Variants in BPGM observed in about 807,000 individuals in gnomAD.
BPGM encodes the protein 2,3-bisphosphoglycerate mutase, erythrocyte.
Under a neutral mutation model 21.6 loss-of-function variants are expected in BPGM, and 15 were observed. That is an observed-to-expected ratio of 0.70 (90% CI 0.47 to 1.07). The LOEUF is 1.07. BPGM is among the 50% of genes least tolerant of loss of function. BPGM has a pLI of 0.00. For missense variants in BPGM, 273 were observed against 319.0 expected (o/e 0.86, Z 1.10); for synonymous variants, 113 against 116.2 (o/e 0.97, Z 0.18).
intron 2 of BPGM, among the ~76,000 whole-genome samples, chr7:134,667,414 A>G (rs1295173388): frequency 6.6e-6 from 1 of 152,202 alleles, no homozygotes; most frequent in African/African-American, 2.4e-5. Flanking sequence ...TTACCTCACT[A>G]TAAAAATATT....
rs73441994 is a variant in BPGM, at chr7:134,679,118, G to T, written c.*87G>T. On this transcript the variant is annotated 3_prime_UTR_variant, in exon 3 of 3. Transcript: ENST00000344924. ...TGCTGAACTCTCTCTCTTTTTCCCC[G>T]ATTTTCCAGAGCTAGGCTGTGGAGT... The T allele has an allele frequency of 4.8e-6, 7 of 1,454,984 alleles. No homozygotes were observed. Among genetic ancestry groups the T allele is most frequent in the Admixed American group, 1.9e-5 (1 of 53,436 alleles). The allele number at this position is 1,454,984 out of a possible 1,614,324, so 90.1% of individuals were successfully genotyped here.
chr7:134,670,457 C>T (rs1795886366), intron 2 of BPGM, among the ~76,000 whole-genome samples: 1 of 151,992 alleles, frequency 6.6e-6, no homozygotes, highest in African/African-American at 2.4e-5. Flanking sequence ...TTTATAGAAC[C>T]CTTTATTTTT....
intron 2 of BPGM, among the ~76,000 whole-genome samples, chr7:134,671,520 C>A (rs917661108): frequency 1.3e-5 from 2 of 151,980 alleles, no homozygotes; most frequent in Non-Finnish European, 2.9e-5. Flanking sequence ...CGCCACCACG[C>A]CCGGCTAATT....
At chr7:134,649,939 G>A (rs1308708160) in intron 1 of BPGM, among the ~76,000 whole-genome samples, 1 of 152,208 alleles carries the variant, frequency 6.6e-6, no homozygotes, top group Non-Finnish European at 1.5e-5. Flanking sequence ...TTATGAGTTA[G>A]TCAAAGTCTG....
At chr7:134,659,371 CCGTG>C (rs1282724203) in intron 1 of BPGM, among the ~76,000 whole-genome samples, 2 of 125,522 alleles carry the variant, frequency 1.6e-5, no homozygotes, top group Non-Finnish European at 3.3e-5. Context: ...ACACACCCCT[CCGTG>C]TGTGTGTGTG....
rs1483612911 is a variant in BPGM at position 134,661,571 on chromosome 7, T to G, written c.64T>G (p.Phe22Val). Residue 22 changes from phenylalanine to valine, a missense_variant, in exon 2 of 3, where the codon TTT becomes GTT. Coordinates refer to ENST00000344924, the MANE Select transcript of BPGM (RefSeq NM_001724.5). The surrounding 1 kb of genome is among the most constrained non-coding windows in gnomAD (Gnocchi z 4.6). ...GGGTGCTTGGAATAAGGAGAACCGT[T>G]TTTGTAGCTGGGTGGATCAGAAACT... ...GEGAWNKENR[F>V]CSWVDQKLNS... is the part of the protein sequence containing the mutation. 6.2e-7 allele frequency: 1 copy of G among 1,614,050 alleles called. No homozygotes were observed. Among genetic ancestry groups the G allele is most frequent in the Non-Finnish European group, 8.5e-7 (1 of 1,180,024 alleles).
rs1796025523 is a variant in BPGM, at chr7:134,679,077, A to G, written c.*46A>G. The G allele has an allele frequency of 5.0e-6, 8 of 1,598,060 alleles. No homozygotes were observed. The highest frequency in any genetic ancestry group is 6.9e-6 in the Non-Finnish European group (8 of 1,167,048). ...AGAAGAAATGCAAAAGAAGTGGCAT[A>G]GGAGTGTGTTATGGGTGCTGAACTC... On this transcript the variant is annotated 3_prime_UTR_variant, in exon 3 of 3. Transcript: ENST00000344924.
intron 1 of BPGM, among the ~76,000 whole-genome samples, chr7:134,654,470 A>G (rs1795606317): frequency 6.6e-6 from 1 of 152,308 alleles, no homozygotes; most frequent in Middle Eastern, 3.4e-3. Context: ...TAGGCAAGTT[A>G]ACCTTTCCTC....
Position 134,671,363 on chromosome 7 carries a change from C to CTTT in BPGM, c.602-7476_602-7474dup, listed in dbSNP as rs563524361. ...AGGATTTTTAAATTAACATTTTGTT[C>CTTT]TTTTTTTTTTTTTTTTGAGATGGAG... On this transcript the variant is annotated intron_variant, in intron 2 of 2. Coordinates refer to ENST00000344924, the MANE Select transcript of BPGM (RefSeq NM_001724.5). Among the ~76,000 whole-genome samples, 54 of 133,936 alleles carry CTTT rather than the reference C, an allele frequency of 4.0e-4. No homozygotes were observed. The Middle Eastern group carries it at 0.011, about 28-fold the overall frequency. 87.9% of individuals were successfully genotyped at this position (133,936 alleles called of 152,430 possible). A position where few individuals can be genotyped will look rare whatever the true frequency, so the allele number is the denominator to read the frequency against.
intron 1 of BPGM, among the ~76,000 whole-genome samples, chr7:134,657,040 A>G (rs1402706143): frequency 1.3e-5 from 2 of 152,250 alleles, no homozygotes; most frequent in African/African-American, 2.4e-5. Context: ...AGCAGGCCCC[A>G]TGCAAGTCCA....
At chr7:134,671,578 G>A (rs1795905327) in intron 2 of BPGM, among the ~76,000 whole-genome samples, 1 of 152,040 alleles carries the variant, frequency 6.6e-6, no homozygotes, top group Admixed American at 6.6e-5. Context: ...TGTTAGCCAG[G>A]ATGGCCTCGA....
chr7:134,651,655 C>T (rs1300258905), intron 1 of BPGM, among the ~76,000 whole-genome samples: 2 of 152,202 alleles, frequency 1.3e-5, no homozygotes, highest in Non-Finnish European at 2.9e-5. Flanking sequence ...ACATCACTCC[C>T]CTATCTACAG....
At chr7:134,666,658 A>C (rs1173097751) in intron 2 of BPGM, among the ~76,000 whole-genome samples, 2 of 152,184 alleles carry the variant, frequency 1.3e-5, no homozygotes, top group Non-Finnish European at 2.9e-5. Flanking sequence ...TGGAGTTCTT[A>C]GATGTTGCTG....
chr7:134,652,309 A>G (rs543120101), intron 1 of BPGM, among the ~76,000 whole-genome samples: 20 of 152,174 alleles, frequency 1.3e-4, no homozygotes, highest in East Asian at 3.8e-4. Flanking sequence ...TCTGGCCTAT[A>G]CCGTTTTTTA....
At chr7:134,651,208 G>A (rs973705450) in intron 1 of BPGM, among the ~76,000 whole-genome samples, 1 of 152,194 alleles carries the variant, frequency 6.6e-6, no homozygotes, top group East Asian at 1.9e-4. Context: ...GGTTCTATTT[G>A]TCTTATTTTA....
At chr7:134,648,140 T>TTTTTG (rs1795494491) in intron 1 of BPGM, among the ~76,000 whole-genome samples, 4 of 149,488 alleles carry the variant, frequency 2.7e-5, no homozygotes, top group Admixed American at 6.8e-5. Flanking sequence ...TGGTTTTTTT[T>TTTTTG]TTGTTTTGTT....
rs201505421 is a variant in BPGM at position 134,662,043 on chromosome 7, G to T, written c.536G>T (p.Arg179Leu). The change falls in exon 2 of 3, where the codon CGT (arginine) becomes CTT (leucine). Residue 179 changes from arginine to leucine, a missense_variant. By Grantham distance (102) the Arg-to-Leu change is moderately radical. Coordinates refer to ENST00000344924, the MANE Select transcript of BPGM (RefSeq NM_001724.5). ...WNERIAPEVL[R>L]GKTILISAHG... Reference sequence around the variant, plus strand: ...GAAAGGATTGCTCCCGAAGTATTACGTGGCAAAACCATTCTGATATCTGCT... The same window carrying T: ...GAAAGGATTGCTCCCGAAGTATTACTTGGCAAAACCATTCTGATATCTGCT... 9.9e-6 allele frequency: 16 copies of T among 1,614,036 alleles called. No individual in the cohort carries two copies. Among genetic ancestry groups the T allele is most frequent in the Admixed American group, 1.7e-5 (1 of 59,986 alleles).
intron 2 of BPGM, among the ~76,000 whole-genome samples, chr7:134,663,031 CCT>C (rs1795761083): frequency 6.6e-6 from 1 of 152,108 alleles, no homozygotes; most frequent in Non-Finnish European, 1.5e-5. Flanking sequence ...CGTGATATGC[CCT>C]GTCTGGTGTT....
intron 1 of BPGM, among the ~76,000 whole-genome samples, chr7:134,647,513 G>C (rs1012683916): frequency 6.6e-6 from 1 of 152,174 alleles, no homozygotes; most frequent in African/African-American, 2.4e-5. Context: ...TCTAAGGGAC[G>C]AGCTGGTATT....
Sources: gnomAD v4.1 joint callset for allele counts (sites outside exome capture counted in the v4.1 genomes callset) on GRCh38, gnomAD v4.1.1 for gene constraint, Gnocchi (gnomAD v3.1) non-coding constraint, MANE v1.5 for transcripts, NCBI Gene and HGNC (gene_info 2026-07-23, HGNC 2026-07-21) for gene names.